The following RBM47 variants were observed in gnomAD, a reference collection of about 807,000 sequenced individuals.
RBM47 encodes the protein RNA binding motif protein 47, also known as RNA-binding protein 47.
A neutral mutation model predicts 47.1 loss-of-function variants in RBM47; 21 were observed. The ratio of observed to expected loss-of-function variants is 0.45; its 90% CI spans 0.32 to 0.64. The LOEUF is 0.64. Ranked by LOEUF, RBM47 falls within the 30% of genes least tolerant of loss-of-function variation. RBM47 has a pLI of 0.05. For synonymous variants in RBM47, 375 were observed against 361.7 expected (o/e 1.04, Z -0.42); for missense variants, 708 against 870.9 (o/e 0.81, Z 2.35).
intron 3 of RBM47, among the ~76,000 whole-genome samples, chr4:40,462,188 A>G (rs175914): frequency 0.01 from 1,587 of 152,254 alleles, 39 homozygotes; most frequent in African/African-American, 0.036. Flanking sequence ...GTACTTTTCA[A>G]TATTCTCCAA....
chr4:40,600,612 C>A (rs143377193), intron 1 of RBM47, among the ~76,000 whole-genome samples: 2 of 145,126 alleles, frequency 1.4e-5, no homozygotes. Flanking sequence ...CCAGCCTGGG[C>A]GACAGAGCGA....
In RBM47 at chr4:40,611,192, T is replaced by C. The variant is rs75022235; in HGVS notation, c.-240+18204A>G. On this transcript the variant is annotated intron_variant, in intron 1 of 6. Transcript: ENST00000295971. ...ATGCTTCAGTCTCTCTAGGTAAATG[T>C]AGGCACAAAATAAATGGTTTTCAAT... Among the ~76,000 whole-genome samples the C allele has an allele frequency of 0.012, 1,858 of 152,294 alleles. 85 individuals are homozygous for C. In the East Asian group the frequency reaches 0.14, roughly 11 times the overall value.
chr4:40,597,277 T>C (rs995614711), intron 1 of RBM47, among the ~76,000 whole-genome samples: 2 of 145,052 alleles, frequency 1.4e-5, no homozygotes, highest in Non-Finnish European at 3.0e-5. Context: ...AAAATAGTTT[T>C]AGTTTATCAA....
chr4:40,495,089 G>A (rs1223590341), intron 2 of RBM47, among the ~76,000 whole-genome samples: 6 of 152,102 alleles, frequency 3.9e-5, no homozygotes, highest in South Asian at 4.2e-4. Flanking sequence ...CTACAGGCAC[G>A]CCCCACCATG....
intron 1 of RBM47, among the ~76,000 whole-genome samples, chr4:40,580,206 G>A (rs946737881): frequency 6.6e-6 from 1 of 151,908 alleles, no homozygotes; most frequent in Non-Finnish European, 1.5e-5. Context: ...TTTTCTAAAT[G>A]TGTTTCCTCA....
intron 2 of RBM47, among the ~76,000 whole-genome samples, chr4:40,534,922 A>G (rs1485764217): frequency 1.4e-4 from 18 of 125,356 alleles, no homozygotes; most frequent in East Asian, 2.0e-4. Context: ...GCGATGGAGC[A>G]AGACTCCGTC....
chr4:40,552,781 T>C (rs1289493856), intron 1 of RBM47, among the ~76,000 whole-genome samples: 1 of 152,230 alleles, frequency 6.6e-6, no homozygotes, highest in Non-Finnish European at 1.5e-5. Context: ...CCACTGGCCT[T>C]CTGGCCGTTT....
rs563479660 is a variant in RBM47, at chr4:40,443,428, A to G, written c.-31-4504T>C. Among the ~76,000 whole-genome samples, 172 of 152,236 alleles carry G rather than the reference A, an allele frequency of 1.1e-3. 1 individual carries two copies. The highest frequency in any genetic ancestry group is 0.01 in the Middle Eastern group (3 of 294). ...TTTCATTAGAGGCCATTAAAAAATG[A>G]TACACTGGGCTGGGCACAGTGGCTT... On this transcript the variant is annotated intron_variant, in intron 3 of 6. Coordinates refer to ENST00000295971, the MANE Select transcript of RBM47 (RefSeq NM_001098634.2).
At chr4:40,500,839 T>G (rs955856464) in intron 2 of RBM47, among the ~76,000 whole-genome samples, 34 of 146,962 alleles carry the variant, frequency 2.3e-4, no homozygotes, top group African/African-American at 7.8e-4. Flanking sequence ...TACCAGATGT[T>G]CCTTAACCAC....
intron 3 of RBM47, among the ~76,000 whole-genome samples, chr4:40,454,301 T>G (rs995010118): frequency 6.6e-6 from 1 of 152,198 alleles, no homozygotes; most frequent in Non-Finnish European, 1.5e-5. Flanking sequence ...ATTGGTAAAC[T>G]AACTATTTAA....
At chr4:40,437,088 AAAATAT>A (rs1712610045) in intron 4 of RBM47, among the ~76,000 whole-genome samples, 1 of 54,030 alleles carries the variant, frequency 1.9e-5, no homozygotes, top group Non-Finnish European at 3.1e-5. Context: ...AAAAAAAAAA[AAAATAT>A]ATATATATAT....
At chr4:40,493,112 C>A (rs539186710) in intron 2 of RBM47, among the ~76,000 whole-genome samples, 82 of 152,280 alleles carry the variant, frequency 5.4e-4, no homozygotes, top group African/African-American at 1.9e-3. Flanking sequence ...GGCAAGCCTA[C>A]GATGTCAACT....
chr4:40,573,138 GCAAGA>G (rs1731899836), intron 1 of RBM47, among the ~76,000 whole-genome samples: 1 of 126,942 alleles, frequency 7.9e-6, no homozygotes, highest in Admixed American at 9.0e-5. Flanking sequence ...AGGTGACAGA[GCAAGA>G]CTTCATCTCA....
chr4:40,585,658 A>T (rs1265852958), intron 1 of RBM47, among the ~76,000 whole-genome samples: 1 of 152,186 alleles, frequency 6.6e-6, no homozygotes, highest in Non-Finnish European at 1.5e-5. Flanking sequence ...AACAAAACCA[A>T]AGCGAACCCA....
At chr4:40,555,395 T>G (rs1395602616) in intron 1 of RBM47, among the ~76,000 whole-genome samples, 1 of 152,230 alleles carries the variant, frequency 6.6e-6, no homozygotes, top group Non-Finnish European at 1.5e-5. Context: ...AATGAGACTC[T>G]CTACAGCCTT....
At chr4:40,593,747 G>A (rs1734488331) in intron 1 of RBM47, among the ~76,000 whole-genome samples, 1 of 152,090 alleles carries the variant, frequency 6.6e-6, no homozygotes, top group Non-Finnish European at 1.5e-5. Context: ...AGCTGGGCGT[G>A]GTGGCGGGCA....
chr4:40,554,092 C>G (rs1026751782), intron 1 of RBM47, among the ~76,000 whole-genome samples: 4 of 152,148 alleles, frequency 2.6e-5, no homozygotes, highest in African/African-American at 9.7e-5. Context: ...AACCCCAGGA[C>G]CCAGCACGGT....
At chr4:40,602,398 C>T (rs767988580) in intron 1 of RBM47, among the ~76,000 whole-genome samples, 1 of 151,878 alleles carries the variant, frequency 6.6e-6, no homozygotes, top group Non-Finnish European at 1.5e-5. Flanking sequence ...GCCTGTAATC[C>T]CAGCACTTTG....
intron 1 of RBM47, among the ~76,000 whole-genome samples, chr4:40,572,834 C>T (rs777670306): frequency 6.6e-6 from 1 of 151,644 alleles, no homozygotes; most frequent in Non-Finnish European, 1.5e-5. Context: ...TTTGAAAGTA[C>T]AATATATTAA....
Sources: allele counts gnomAD v4.1 joint callset (sites outside exome capture counted in the v4.1 genomes callset), GRCh38; gene constraint gnomAD v4.1.1; transcripts MANE v1.5; gene names NCBI Gene and HGNC (gene_info 2026-07-23, HGNC 2026-07-21).